The following RNF38 variants were observed in gnomAD, a reference collection of about 807,000 sequenced individuals.
RNF38 encodes E3 ubiquitin-protein ligase RNF38.
In RNF38, 15 loss-of-function variants were observed where a neutral mutation model predicts 67.2. The ratio of observed to expected loss-of-function variants is 0.22; its 90% CI spans 0.15 to 0.34. RNF38 has a LOEUF of 0.34. RNF38 is among the 10% of genes least tolerant of loss of function. RNF38 has a pLI of 1.00. For missense variants in RNF38, 524 were observed against 639.9 expected (o/e 0.82, Z 1.95); for synonymous variants, 220 against 218.8 (o/e 1.01, Z -0.05).
At chr9:36,432,889 TTATTA>T (rs1430963110) in intron 1 of RNF38, among the ~76,000 whole-genome samples, 1 of 152,174 alleles carries the variant, frequency 6.6e-6, no homozygotes, top group Non-Finnish European at 1.5e-5. Flanking sequence ...TAATTACTAT[TTATTA>T]TAACTATTAT....
Position 36,465,772 on chromosome 9 carries a change from C to T in RNF38, n.241+21536G>A, listed in dbSNP as rs575652245. The stretch of plus-strand genomic sequence containing the variant: ...CTACAAAAAGTAACAAAGTGCTGGC[C>T]GGGCGCGGTGGCTCACGCCTGTAAT... On this transcript the variant is annotated intron_variant and non_coding_transcript_variant, in intron 1 of 3. Coordinates refer to the RNF38 transcript ENST00000488058. 9.9e-5 allele frequency among the ~76,000 whole-genome samples: 15 copies of T among 151,560 alleles called. No homozygotes were observed. In the South Asian group the frequency reaches 2.6e-3, roughly 26 times the overall value.
intron 1 of RNF38, among the ~76,000 whole-genome samples, chr9:36,449,501 T>C (rs1839386352): frequency 6.6e-6 from 1 of 152,026 alleles, no homozygotes; most frequent in African/African-American, 2.4e-5. Context: ...AGTGGCGCGA[T>C]CTCGGTTCAC....
At chr9:36,477,807 G>C (rs956158687) in intron 1 of RNF38, among the ~76,000 whole-genome samples, 3 of 136,234 alleles carry the variant, frequency 2.2e-5, no homozygotes, top group African/African-American at 8.3e-5. Context: ...GGGCGACAGA[G>C]GGAGACTCTG....
chr9:36,355,842 CGTTT>C (rs919374404), intron 6 of RNF38, among the ~76,000 whole-genome samples: 7 of 151,922 alleles, frequency 4.6e-5, no homozygotes, highest in African/African-American at 7.3e-5. Context: ...TAAGTTATTA[CGTTT>C]GTTTGTTTGT....
chr9:36,345,117 T>G (rs371844285), intron 9 of RNF38, among the ~76,000 whole-genome samples, 164 bp from the exon 10 acceptor site: 11 of 152,130 alleles, frequency 7.2e-5, no homozygotes, highest in Non-Finnish European at 1.5e-4. Flanking sequence ...CCTGACCTCA[T>G]GCAATACTCT....
intron 6 of RNF38, among the ~76,000 whole-genome samples, chr9:36,355,213 GT>G (rs1291777935): frequency 6.6e-6 from 1 of 152,126 alleles, no homozygotes; most frequent in Non-Finnish European, 1.5e-5. Flanking sequence ...GTAAACAATG[GT>G]AAGACTGCTA....
chr9:36,471,006 G>A (rs756978111), intron 1 of RNF38, among the ~76,000 whole-genome samples: 1 of 152,104 alleles, frequency 6.6e-6, no homozygotes, highest in Non-Finnish European at 1.5e-5. Context: ...AAATCTACAG[G>A]TGAACTACGT....
At chr9:36,407,776 G>A (rs986859303) in intron 2 of RNF38, among the ~76,000 whole-genome samples, 2 of 152,118 alleles carry the variant, frequency 1.3e-5, no homozygotes, top group East Asian at 1.9e-4. Flanking sequence ...TGGCACTACA[G>A]TTTTTACCAA....
At chr9:36,486,431 G>C (rs995933049) in intron 1 of RNF38, among the ~76,000 whole-genome samples, 1 of 152,044 alleles carries the variant, frequency 6.6e-6, no homozygotes, top group Non-Finnish European at 1.5e-5. Flanking sequence ...AAACCACCTG[G>C]AAAAAACTCA....
chr9:36,378,362 G>A (rs1835936237), intron 2 of RNF38, among the ~76,000 whole-genome samples: 1 of 151,964 alleles, frequency 6.6e-6, no homozygotes, highest in Non-Finnish European at 1.5e-5. Flanking sequence ...ATTTTTAGTA[G>A]AGACGGGGTT....
intron 2 of RNF38, among the ~76,000 whole-genome samples, chr9:36,411,598 A>G (rs1250924912): frequency 1.3e-5 from 2 of 152,094 alleles, no homozygotes; most frequent in Non-Finnish European, 2.9e-5. Context: ...GTCTTGCGCA[A>G]TCACCCAGGC....
chr9:36,465,979 G>A (rs758481672), intron 1 of RNF38, among the ~76,000 whole-genome samples: 5 of 152,156 alleles, frequency 3.3e-5, no homozygotes, highest in Non-Finnish European at 7.3e-5. Context: ...GTGAACCCAG[G>A]AGGCGGAGCT....
At chr9:36,349,501 G>A (rs957996125) in intron 9 of RNF38, among the ~76,000 whole-genome samples, 9 of 152,044 alleles carry the variant, frequency 5.9e-5, no homozygotes, top group Non-Finnish European at 1.2e-4. Flanking sequence ...ACTGAGTTGT[G>A]TAAGTTCCTT....
At chr9:36,431,363 G>A (rs1021739990) in intron 1 of RNF38, among the ~76,000 whole-genome samples, 2 of 152,108 alleles carry the variant, frequency 1.3e-5, no homozygotes, top group Non-Finnish European at 2.9e-5. Flanking sequence ...GAATACTGTA[G>A]GCAACTGTAA....
intron 8 of RNF38, 94 bp downstream of exon 8, chr9:36,352,648 A>T: frequency 1.0e-6 from 1 of 952,468 alleles, no homozygotes; most frequent in Non-Finnish European, 1.7e-6. Flanking sequence ...AATAACTAAC[A>T]CACCAAAAGC....
intron 1 of RNF38, among the ~76,000 whole-genome samples, chr9:36,399,071 A>C (rs1375369290): frequency 6.6e-6 from 1 of 152,226 alleles, no homozygotes; most frequent in Non-Finnish European, 1.5e-5. Flanking sequence ...GCTAACAGTC[A>C]GTTATGTCTG....
chr9:36,467,386 T>A (rs1484809319), intron 1 of RNF38, among the ~76,000 whole-genome samples: 1 of 151,622 alleles, frequency 6.6e-6, no homozygotes, highest in East Asian at 2.0e-4. Context: ...ATATTCAAAA[T>A]ACTTTGAATA....
intron 2 of RNF38, among the ~76,000 whole-genome samples, chr9:36,383,287 C>T (rs926434276): frequency 4.6e-5 from 7 of 152,140 alleles, no homozygotes; most frequent in African/African-American, 1.4e-4. Context: ...CTGCAACCTC[C>T]GCCTCCTGGG....
chr9:36,438,755 C>T (rs1839127140), intron 1 of RNF38, among the ~76,000 whole-genome samples: 1 of 152,196 alleles, frequency 6.6e-6, no homozygotes, highest in Non-Finnish European at 1.5e-5. Context: ...TCTCCTCTTA[C>T]CCAGCTGAAT....
Sources: allele counts gnomAD v4.1 joint callset (sites outside exome capture counted in the v4.1 genomes callset), GRCh38; gene constraint gnomAD v4.1.1; transcripts MANE v1.5; gene names NCBI Gene and HGNC (gene_info 2026-07-23, HGNC 2026-07-21).